The following NAALADL2 variants were observed in gnomAD, a reference collection of about 807,000 sequenced individuals.
NAALADL2 encodes the protein inactive N-acetylated-alpha-linked acidic dipeptidase-like protein 2.
In NAALADL2, 76 loss-of-function variants were observed where a neutral mutation model predicts 87.2. The observed-to-expected ratio is 0.87, with a 90% CI of 0.72 to 1.05. The LOEUF is 1.05. Ranked by LOEUF, NAALADL2 falls within the 50% of genes least tolerant of loss-of-function variation. The pLI is 0.00. For synonymous variants in NAALADL2, 354 were observed against 331.0 expected, an observed-to-expected ratio of 1.07 and a Z score of -0.75; for missense variants, 1,089 against 945.8, an observed-to-expected ratio of 1.15 and a Z score of -1.99.
chr3:175,678,795 G>A (rs1325445465), intron 11 of NAALADL2, among the ~76,000 whole-genome samples: 3 of 152,098 alleles, frequency 2.0e-5, no homozygotes, highest in Non-Finnish European at 4.4e-5. Context: ...AATGGGTGCA[G>A]CACACCAACA....
chr3:175,086,164 A>C (rs973561307), intron 1 of NAALADL2, among the ~76,000 whole-genome samples: 4 of 152,220 alleles, frequency 2.6e-5, no homozygotes, highest in Admixed American at 2.6e-4. Context: ...AGAGGAAAAC[A>C]TAGTCTTTGT....
intron 11 of NAALADL2, among the ~76,000 whole-genome samples, chr3:175,677,625 G>T (rs1734997748): frequency 1.3e-5 from 2 of 151,246 alleles, no homozygotes; most frequent in African/African-American, 4.9e-5. Context: ...CCCCCTCCAG[G>T]GACTCCTTCA....
chr3:175,685,489 T>TAA (rs71626216), intron 11 of NAALADL2, among the ~76,000 whole-genome samples: 12 of 147,250 alleles, frequency 8.1e-5, no homozygotes, highest in Non-Finnish European at 1.5e-5. Flanking sequence ...TGTGTGTGTG[T>TAA]AATCAGTTAA....
In NAALADL2 at chr3:175,716,178, TATATA is replaced by T. The variant is rs565538591; in HGVS notation, c.1897-21122_1897-21118del. Among the ~76,000 whole-genome samples the T allele has an allele frequency of 5.8e-3, 853 of 146,046 alleles. 6 individuals carry two copies. Among genetic ancestry groups the T allele is most frequent in the African/African-American group, 0.018 (736 of 39,840 alleles). ...ATAATATATAATATATTGGAATACA[TATATA>T]ATATATGTATATAATATATTGGAAT... On this transcript the variant is annotated intron_variant, in intron 11 of 13. Coordinates refer to ENST00000454872, the MANE Select transcript of NAALADL2 (RefSeq NM_207015.3).
chr3:174,846,422 A>C (rs1724619705), intron 3 of NAALADL2, among the ~76,000 whole-genome samples: 1 of 152,228 alleles, frequency 6.6e-6, no homozygotes. Context: ...TCTTGCTGAC[A>C]TCACTCTAGC....
intron 2 of NAALADL2, among the ~76,000 whole-genome samples, chr3:175,181,693 A>ATGTGTG (rs1472152912): frequency 2.1e-5 from 1 of 48,438 alleles, no homozygotes. Context: ...ATATATATAT[A>ATGTGTG]TATATATATA....
intron 1 of NAALADL2, among the ~76,000 whole-genome samples, chr3:174,869,766 C>T (rs560428129): frequency 1.3e-5 from 2 of 151,976 alleles, no homozygotes; most frequent in Non-Finnish European, 1.5e-5. Flanking sequence ...GAGGCCAAGA[C>T]GTATGGGTCA....
rs1033490006 is a variant in NAALADL2, at chr3:175,453,793, G to T, written c.1234+6421G>T. On this transcript the variant is annotated intron_variant, in intron 6 of 13. Transcript: ENST00000454872. Reference sequence around the variant, plus strand: ...TTAGACTAAGTTCCTTAATCAGGTTGTTCAAATATTCTGTATATTATTCAT... The same window carrying T: ...TTAGACTAAGTTCCTTAATCAGGTTTTTCAAATATTCTGTATATTATTCAT... Among the ~76,000 whole-genome samples the T allele has an allele frequency of 2.6e-5, 4 of 151,996 alleles. No homozygotes were observed. The East Asian group carries it at 7.7e-4, about 29-fold the overall frequency.
chr3:175,007,985 G>A (rs1361848278), intron 1 of NAALADL2, among the ~76,000 whole-genome samples: 1 of 152,132 alleles, frequency 6.6e-6, no homozygotes, highest in East Asian at 1.9e-4. Context: ...ATACAATGTA[G>A]ATACATTGGG....
chr3:175,230,046 T>C (rs908264149), intron 2 of NAALADL2, among the ~76,000 whole-genome samples: 2 of 151,948 alleles, frequency 1.3e-5, no homozygotes, highest in African/African-American at 4.8e-5. Flanking sequence ...TGGCAACTCA[T>C]ATACGACAGA....
chr3:174,676,500 G>A (rs1727052672), intron 2 of NAALADL2, among the ~76,000 whole-genome samples: 1 of 151,856 alleles, frequency 6.6e-6, no homozygotes, highest in Non-Finnish European at 1.5e-5. Flanking sequence ...AAACATTAGG[G>A]ATTATAATAG....
chr3:175,485,151 C>T (rs6795267), intron 9 of NAALADL2, among the ~76,000 whole-genome samples: 15,239 of 152,130 alleles, frequency 0.1, 923 homozygotes, highest in East Asian at 0.25. Flanking sequence ...AAAATAGGAA[C>T]AATAATACTC....
intron 1 of NAALADL2, among the ~76,000 whole-genome samples, chr3:175,049,930 G>GA (rs1477435396): frequency 7.9e-5 from 12 of 152,176 alleles, no homozygotes; most frequent in Admixed American, 7.2e-4. Context: ...ATGTTGTTGT[G>GA]AAAAAAATAA....
chr3:175,413,204 C>G (rs1450031978), intron 5 of NAALADL2, among the ~76,000 whole-genome samples: 1 of 144,000 alleles, frequency 6.9e-6, no homozygotes, highest in Admixed American at 6.8e-5. Context: ...GGAGAATATC[C>G]TGGCTAACAC....
intron 4 of NAALADL2, among the ~76,000 whole-genome samples, chr3:175,265,413 A>G (rs1234889967): frequency 6.6e-6 from 1 of 151,694 alleles, no homozygotes; most frequent in Non-Finnish European, 1.5e-5. Flanking sequence ...CTATACCAAT[A>G]GAGTTTTAAA....
chr3:175,134,865 T>C (rs1006101090), intron 2 of NAALADL2, among the ~76,000 whole-genome samples: 2 of 152,316 alleles, frequency 1.3e-5, no homozygotes, highest in Non-Finnish European at 2.9e-5. Flanking sequence ...CTTTAAATTT[T>C]ATCAGAATAA....
intron 2 of NAALADL2, among the ~76,000 whole-genome samples, chr3:175,163,553 A>C (rs767732172): frequency 3.3e-5 from 5 of 151,962 alleles, no homozygotes; most frequent in Non-Finnish European, 7.4e-5. Context: ...ATAATATTCT[A>C]CCTATGGAGA....
In NAALADL2 at chr3:175,447,791, A is replaced by G. The variant is rs140839381; in HGVS notation, c.1234+419A>G. The stretch of plus-strand genomic sequence containing the variant: ...TAAAGCCTAATTCCTGCAATTGACT[A>G]AAAAATCCCTCTGTCTATGCGCATC... On this transcript the variant is annotated intron_variant, in intron 6 of 13. Transcript: ENST00000454872. 5.8e-3 allele frequency among the ~76,000 whole-genome samples: 877 copies of G among 152,286 alleles called. 6 individuals carry two copies. The highest frequency in any genetic ancestry group is 9.0e-3 in the Non-Finnish European group (614 of 68,016).
At chr3:175,358,176 C>T (rs1311348559) in intron 5 of NAALADL2, among the ~76,000 whole-genome samples, 1 of 152,072 alleles carries the variant, frequency 6.6e-6, no homozygotes, top group Non-Finnish European at 1.5e-5. Flanking sequence ...CTAAGTTTCC[C>T]ACTTGTGGGC....
Sources: gnomAD v4.1 joint callset for allele counts (sites outside exome capture counted in the v4.1 genomes callset) on GRCh38, gnomAD v4.1.1 for gene constraint, MANE v1.5 for transcripts, NCBI Gene and HGNC (gene_info 2026-07-23, HGNC 2026-07-21) for gene names.